The following RNF150 variants were observed in gnomAD, a reference collection of about 807,000 sequenced individuals.
RNF150 encodes the protein ring finger protein 150.
In RNF150, 24 loss-of-function variants were observed where a neutral mutation model predicts 39.3. The ratio of observed to expected loss-of-function variants is 0.61; its 90% confidence interval spans 0.44 to 0.86. The LOEUF (loss-of-function observed/expected upper bound fraction) is 0.86. RNF150 is among the 40% of genes least tolerant of loss of function. The pLI is 0.00. For missense variants in RNF150, 502 were observed against 587.8 expected (o/e 0.85, Z 1.51); for synonymous variants, 255 against 227.3 (o/e 1.12, Z -1.10).
intron 2 of RNF150, among the ~76,000 whole-genome samples, chr4:140,961,365 G>A (rs1233659406): frequency 1.3e-5 from 2 of 152,134 alleles, no homozygotes; most frequent in Non-Finnish European, 2.9e-5. Flanking sequence ...AGCAGAGACT[G>A]AGGTGCTCAT....
chr4:140,885,539 C>T (rs1231483933), intron 6 of RNF150, among the ~76,000 whole-genome samples: 2 of 149,644 alleles, frequency 1.3e-5, no homozygotes, highest in Non-Finnish European at 3.0e-5. Context: ...CGGGTTCAAG[C>T]GATTTTCCTG....
chr4:140,934,478 A>G (rs1320083508), intron 4 of RNF150, among the ~76,000 whole-genome samples: 4 of 152,324 alleles, frequency 2.6e-5, no homozygotes, highest in African/African-American at 9.6e-5. Context: ...AAAGAATGCA[A>G]TAAGGTAAAT....
At chr4:141,196,291 C>T (rs1234606551) in intron 1 of RNF150, among the ~76,000 whole-genome samples, 2 of 152,262 alleles carry the variant, frequency 1.3e-5, no homozygotes, top group East Asian at 3.9e-4. Flanking sequence ...CTTGATGAAA[C>T]TGTTGGTCCA....
intron 1 of RNF150, among the ~76,000 whole-genome samples, chr4:141,068,262 G>A (rs146903878): frequency 1.3e-3 from 191 of 152,270 alleles, no homozygotes; most frequent in African/African-American, 4.4e-3. Context: ...ATTCTTCTCA[G>A]TGAACTAAAG....
intron 6 of RNF150, among the ~76,000 whole-genome samples, chr4:140,909,272 T>G (rs569687666): frequency 1.3e-5 from 2 of 152,184 alleles, no homozygotes; most frequent in East Asian, 3.8e-4. Context: ...TCTAGATCTA[T>G]GCACTCCAAT....
At chr4:141,097,794 C>CT (rs1202566056) in intron 1 of RNF150, among the ~76,000 whole-genome samples, 1 of 151,826 alleles carries the variant, frequency 6.6e-6, no homozygotes, top group Non-Finnish European at 1.5e-5. Context: ...TTTGACCTTG[C>CT]TATTTTTTAC....
intron 1 of RNF150, among the ~76,000 whole-genome samples, chr4:141,012,371 T>C (rs1735104804): frequency 6.6e-6 from 1 of 152,246 alleles, no homozygotes; most frequent in Non-Finnish European, 1.5e-5. Flanking sequence ...TGGTTAGGAC[T>C]GGATAAATAA....
intron 1 of RNF150, among the ~76,000 whole-genome samples, chr4:141,191,355 T>C (rs1216078133): frequency 6.6e-6 from 1 of 152,150 alleles, no homozygotes; most frequent in Non-Finnish European, 1.5e-5. Context: ...GGTTTGGGTG[T>C]CCCACCTCAA....
chr4:141,035,396 C>A (rs1237648213), intron 1 of RNF150, among the ~76,000 whole-genome samples: 1 of 152,176 alleles, frequency 6.6e-6, no homozygotes, highest in East Asian at 1.9e-4. Flanking sequence ...GTCCTCATTA[C>A]AGTTTACCCT....
chr4:141,131,968 A>G (rs1411438595), intron 1 of RNF150, among the ~76,000 whole-genome samples: 1 of 151,964 alleles, frequency 6.6e-6, no homozygotes, highest in African/African-American at 2.4e-5. Flanking sequence ...TATCAGATCT[A>G]CTGGTTCCAA....
intron 6 of RNF150, among the ~76,000 whole-genome samples, chr4:140,875,398 A>G (rs1434491002): frequency 2.6e-5 from 4 of 151,986 alleles, no homozygotes; most frequent in Non-Finnish European, 5.9e-5. Flanking sequence ...GCTGGCTTTG[A>G]ATTCCTGGCT....
At chr4:140,933,232 A>G (rs17006671) in intron 4 of RNF150, among the ~76,000 whole-genome samples, 5,242 of 152,302 alleles carry the variant, frequency 0.034, 200 homozygotes, top group African/African-American at 0.092. Flanking sequence ...AGGCTATGGG[A>G]TACGGTAAGG....
chr4:141,001,881 G>A (rs772478427), intron 1 of RNF150, among the ~76,000 whole-genome samples: 2 of 152,044 alleles, frequency 1.3e-5, no homozygotes, highest in African/African-American at 4.8e-5. Flanking sequence ...TAAATAACTT[G>A]TATACGCTTA....
intron 2 of RNF150, among the ~76,000 whole-genome samples, chr4:140,953,196 C>G (rs372118526): frequency 8.7e-4 from 133 of 152,278 alleles, no homozygotes; most frequent in Middle Eastern, 6.8e-3. Flanking sequence ...GTCTATGAGG[C>G]CTTCCTCCTA....
intron 1 of RNF150, among the ~76,000 whole-genome samples, chr4:141,209,790 G>C (rs73849863): frequency 0.032 from 4,924 of 152,082 alleles, 284 homozygotes; most frequent in African/African-American, 0.11. Flanking sequence ...CTGATTTCTT[G>C]AGGCCAGGAG....
intron 1 of RNF150, among the ~76,000 whole-genome samples, chr4:141,112,426 G>A (rs1739414191): frequency 6.6e-6 from 1 of 152,128 alleles, no homozygotes; most frequent in Non-Finnish European, 1.5e-5. Flanking sequence ...GCCTAGTGGT[G>A]ACAAAATCTC....
chr4:140,931,710 G>T (rs1560974075), intron 4 of RNF150, among the ~76,000 whole-genome samples: 1 of 152,112 alleles, frequency 6.6e-6, no homozygotes, highest in African/African-American at 2.4e-5. Flanking sequence ...ACAAAGAGTT[G>T]GCCAAAACTG....
chr4:141,121,176 T>C (rs187419786), intron 1 of RNF150, among the ~76,000 whole-genome samples: 2 of 152,268 alleles, frequency 1.3e-5, no homozygotes, highest in East Asian at 3.9e-4. Context: ...AGATGAGGAC[T>C]CCAAAGCCTA....
intron 4 of RNF150, among the ~76,000 whole-genome samples, chr4:140,940,130 C>T (rs1578987619): frequency 6.6e-6 from 1 of 152,160 alleles, no homozygotes; most frequent in East Asian, 1.9e-4. Context: ...GACATTTGGG[C>T]CCTGAAGGAT....
Sources: gnomAD v4.1 joint callset for allele counts (sites outside exome capture counted in the v4.1 genomes callset) on GRCh38, gnomAD v4.1.1 for gene constraint, MANE v1.5 for transcripts, NCBI Gene and HGNC (gene_info 2026-07-23, HGNC 2026-07-21) for gene names.